Variants in SIRT4 observed in about 807,000 individuals in gnomAD.
SIRT4 encodes the protein sirtuin 4.
SIRT4 carries 23 observed loss-of-function variants against 26.1 expected under a neutral mutation model. The ratio of observed to expected loss-of-function variants is 0.88; its 90% confidence interval spans 0.63 to 1.25. The LOEUF is 1.25. Ranked by LOEUF, SIRT4 falls within the 50% of genes most tolerant of loss-of-function variation. SIRT4 has a pLI of 0.00. For synonymous variants in SIRT4, 155 were observed against 158.4 expected (o/e 0.98, Z 0.16); for missense variants, 361 against 405.4 (o/e 0.89, Z 0.94).
intron 2 of SIRT4, among the ~76,000 whole-genome samples, chr12:120,310,653 T>C (rs866575025): frequency 2.0e-5 from 3 of 151,978 alleles, no homozygotes; most frequent in South Asian, 4.1e-4. Flanking sequence ...GGAGGATTGC[T>C]TGAGCCTAGG....
intron 2 of SIRT4, among the ~76,000 whole-genome samples, chr12:120,309,413 C>CTTTTTT (rs1217829590): frequency 7.4e-6 from 1 of 135,648 alleles, no homozygotes; most frequent in Non-Finnish European, 1.6e-5. Flanking sequence ...TTTTTCTTTT[C>CTTTTTT]TTTTTTTTTT....
rs369009892 is a variant in SIRT4 at position 120,303,812 on chromosome 12, G to A, written c.251G>A (p.Arg84His). ...TCAGAAAAAGTGGGGCTTTATGCCCGCACTGACCGCAGGCCCATCCAGCAT... is the reference window on the plus strand; with the variant it reads ...TCAGAAAAAGTGGGGCTTTATGCCCACACTGACCGCAGGCCCATCCAGCAT... ...YRSEKVGLYA[R>H]TDRRPIQHGD... is the part of the protein sequence containing the mutation. The change falls in exon 2 of 4, where the codon CGC becomes CAC. Residue 84 changes from arginine (R) to histidine (H), a missense_variant. Physicochemically the swap from Arg to His is conservative, Grantham distance 29. Transcript: ENST00000202967. 7.7e-5 allele frequency: 124 copies of A among 1,614,088 alleles called. No homozygotes were observed. The highest frequency in any genetic ancestry group is 7.4e-4 in the East Asian group (33 of 44,880).
At chr12:120,308,347 T>C (rs1327068860) in intron 2 of SIRT4, among the ~76,000 whole-genome samples, 2 of 151,784 alleles carry the variant, frequency 1.3e-5, no homozygotes, top group Admixed American at 1.3e-4. Flanking sequence ...TTTTTTGTAT[T>C]TGTAGTAGAG....
intron 1 of SIRT4, among the ~76,000 whole-genome samples, chr12:120,302,853 G>A (rs1377621022): frequency 1.3e-5 from 2 of 151,418 alleles, no homozygotes; most frequent in Non-Finnish European, 2.9e-5. Flanking sequence ...CCTAGTAGCT[G>A]GGATTACGGG....
intron 2 of SIRT4, among the ~76,000 whole-genome samples, chr12:120,310,750 T>G (rs1310323292): frequency 6.6e-6 from 1 of 151,054 alleles, no homozygotes; most frequent in Non-Finnish European, 1.5e-5. Flanking sequence ...CTCTTTTTTT[T>G]TTTTGAGACG....
intron 2 of SIRT4, among the ~76,000 whole-genome samples, chr12:120,309,429 T>G (rs1370677322): frequency 6.7e-6 from 1 of 149,684 alleles, no homozygotes; most frequent in East Asian, 1.9e-4. Flanking sequence ...TTTTTTTTTT[T>G]GAGACAGAGT....
At chr12:120,302,633 A>G (rs991241536) in intron 1 of SIRT4, among the ~76,000 whole-genome samples, 1 of 152,164 alleles carries the variant, frequency 6.6e-6, no homozygotes, top group African/African-American at 2.4e-5. Context: ...AGCCAAACAT[A>G]AAATAATGTT....
the SIRT4 span, among the ~76,000 whole-genome samples, chr12:120,294,835 T>C: frequency 6.6e-6 from 1 of 151,486 alleles, no homozygotes; most frequent in Middle Eastern, 3.4e-3. Context: ...ATCCTTTTTT[T>C]TTTTTTTTTT....
the SIRT4 span, among the ~76,000 whole-genome samples, chr12:120,294,574 A>T: frequency 6.6e-6 from 1 of 150,502 alleles, no homozygotes; most frequent in African/African-American, 2.5e-5. Flanking sequence ...TTCTTTTTTG[A>T]GACAGCTTTT....
intron 3 of SIRT4, 65 bp from the exon 4 acceptor site, chr12:120,312,819 T>C: frequency 6.2e-7 from 1 of 1,608,136 alleles, no homozygotes; most frequent in Non-Finnish European, 8.5e-7. Flanking sequence ...GACACCCTGT[T>C]TGGTTTAACT....
In SIRT4 at chr12:120,303,866, G is replaced by T; in HGVS notation, c.305G>T (p.Arg102Leu). ...HGDFVRSAPI[R>L]QRYWARNFVG... ...GATTTTGTCCGGAGTGCCCCAATCC[G>T]CCAGCGGTACTGGGCGAGAAACTTC... The change falls in exon 2 of 4, where the codon CGC becomes CTC. Residue 102 changes from arginine (R) to leucine (L), a missense_variant. Arg to Leu is a moderately radical substitution (Grantham distance 102). Coordinates refer to ENST00000202967, the MANE Select transcript of SIRT4 (RefSeq NM_012240.3). 1.2e-6 allele frequency: 2 copies of T among 1,614,140 alleles called. No individual in the cohort carries two copies. Among genetic ancestry groups the T allele is most frequent in the South Asian group, 2.2e-5 (2 of 91,074 alleles).
intron 2 of SIRT4, among the ~76,000 whole-genome samples, chr12:120,306,301 C>A (rs535087632): frequency 1.2e-4 from 18 of 151,360 alleles, no homozygotes; most frequent in African/African-American, 4.1e-4. Context: ...CATGGAGAAA[C>A]CCTGTCTCTA....
intron 2 of SIRT4, among the ~76,000 whole-genome samples, chr12:120,311,949 A>G (rs955988848): frequency 3.3e-5 from 5 of 151,890 alleles, no homozygotes; most frequent in Non-Finnish European, 7.4e-5. Context: ...TTAAGGATAA[A>G]AGTGAGCTAT....
chr12:120,305,064 G>T (rs1480276239), intron 2 of SIRT4, among the ~76,000 whole-genome samples: 2 of 151,400 alleles, frequency 1.3e-5, no homozygotes. Context: ...TGAGGCAGGA[G>T]AATCGCTTGA....
the SIRT4 span, among the ~76,000 whole-genome samples, chr12:120,296,690 T>G: frequency 6.6e-6 from 1 of 151,408 alleles, no homozygotes; most frequent in East Asian, 2.0e-4. Flanking sequence ...CTGTATTTTT[T>G]GTAGATACAG....
chr12:120,297,755 G>C, upstream of SIRT4, among the ~76,000 whole-genome samples: 1 of 152,006 alleles, frequency 6.6e-6, no homozygotes, highest in East Asian at 1.9e-4. Context: ...AAATAACCTA[G>C]GTTTGAACTT....
At position 120,312,962 on chromosome 12, in the gene SIRT4, C is replaced by G. The variant is rs188910959; in HGVS notation, c.871C>G (p.Arg291Gly). 1 of 1,614,144 alleles carries G rather than the reference C, an allele frequency of 6.2e-7. No individual in the cohort carries two copies. Among genetic ancestry groups the G allele is most frequent in the Middle Eastern group, 1.6e-4 (1 of 6,062 alleles). The change falls in exon 4 of 4, where the codon CGG becomes GGG. Residue 291 changes from arginine to glycine, a missense_variant. Physicochemically the swap from Arg to Gly is moderately radical, Grantham distance 125 (BLOSUM62 -2). Coordinates refer to ENST00000202967, the MANE Select transcript of SIRT4 (RefSeq NM_012240.3). Reference protein sequence around the residue: ...PIAILNIGPTRSDDLACLKLN... With the variant: ...PIAILNIGPTGSDDLACLKLN... The stretch of plus-strand genomic sequence containing the variant: ...TGCAATACTGAACATTGGGCCCACA[C>G]GGTCGGATGACTTGGCGTGTCTGAA...
At chr12:120,301,331 C>A (rs370813017), upstream of SIRT4, among the ~76,000 whole-genome samples, 6 of 151,390 alleles carry the variant, frequency 4.0e-5, no homozygotes, top group East Asian at 7.8e-4. Context: ...GGCAACAGAG[C>A]GAGACTCCGT....
At chr12:120,308,693 T>G (rs1872841762) in intron 2 of SIRT4, among the ~76,000 whole-genome samples, 1 of 152,112 alleles carries the variant, frequency 6.6e-6, no homozygotes, top group African/African-American at 2.4e-5. Flanking sequence ...TGCAGTTGGG[T>G]CTGCTGTGAG....
Sources: allele counts gnomAD v4.1 joint callset (sites outside exome capture counted in the v4.1 genomes callset), GRCh38; gene constraint gnomAD v4.1.1; transcripts MANE v1.5; gene names NCBI Gene and HGNC (gene_info 2026-07-23, HGNC 2026-07-21).